PTPRD: variants seen among roughly 807,000 people sequenced by gnomAD.
PTPRD encodes the protein receptor-type tyrosine-protein phosphatase delta.
In PTPRD, 34 loss-of-function variants were observed where a neutral mutation model predicts 214.5. The observed-to-expected ratio is 0.16, with a 90% CI of 0.12 to 0.21. The LOEUF (loss-of-function observed/expected upper bound fraction) is 0.21. Among genes scored for constraint, PTPRD ranks in the 10% least tolerant of loss-of-function variants. The pLI is 1.00. For synonymous variants in PTPRD, 1,128 were observed against 845.7 expected (o/e 1.33, Z -5.79); for missense variants, 2,545 against 2,398.7 (o/e 1.06, Z -1.27).
intron 2 of PTPRD, among the ~76,000 whole-genome samples, chr9:10,387,117 A>T (rs534220083): frequency 2.2e-4 from 33 of 151,960 alleles, no homozygotes; most frequent in African/African-American, 7.9e-4. Flanking sequence ...TCACAGCCCT[A>T]CCTATACCTT....
At chr9:9,034,612 T>A (rs911187916) in intron 10 of PTPRD, among the ~76,000 whole-genome samples, 1 of 152,130 alleles carries the variant, frequency 6.6e-6, no homozygotes, top group African/African-American at 2.4e-5. Flanking sequence ...GTGACGGCCT[T>A]TTCTTCCAAA....
At chr9:10,564,461 A>G (rs1457567433) in intron 2 of PTPRD, among the ~76,000 whole-genome samples, 1 of 151,732 alleles carries the variant, frequency 6.6e-6, no homozygotes, top group Non-Finnish European at 1.5e-5. Context: ...AAAAAAAGAA[A>G]TTTTCTGCTT....
At chr9:8,459,368 C>A (rs947740072) in intron 33 of PTPRD, among the ~76,000 whole-genome samples, 1 of 151,768 alleles carries the variant, frequency 6.6e-6, no homozygotes, top group Non-Finnish European at 1.5e-5. Context: ...ATATAACACA[C>A]CACAAGGAAA....
chr9:9,239,134 C>T (rs1302295295), intron 9 of PTPRD, among the ~76,000 whole-genome samples: 1 of 150,814 alleles, frequency 6.6e-6, no homozygotes. Flanking sequence ...CTATGCTTAT[C>T]TTTTATCTTC....
At chr9:9,395,584 A>T (rs998153172) in intron 9 of PTPRD, among the ~76,000 whole-genome samples, 1 of 152,028 alleles carries the variant, frequency 6.6e-6, no homozygotes, top group Admixed American at 6.6e-5. Flanking sequence ...TATTCTTCAG[A>T]TTTCCTTGTA....
At position 9,901,060 on chromosome 9, in the gene PTPRD, T is replaced by A. The variant is rs375387952; in HGVS notation, c.-368+37447A>T. Among the ~76,000 whole-genome samples the A allele has an allele frequency of 5.9e-5, 9 of 152,134 alleles. No individual in the cohort carries two copies. The East Asian group carries it at 1.7e-3, about 29-fold the overall frequency. ...AGGCTGTACAACAATGGCACCAGCA[T>A]CCACCTAGCTTCTGGAAAGTCTTCA... On this transcript the variant is annotated intron_variant, in intron 5 of 45. Coordinates refer to ENST00000381196, the MANE Select transcript of PTPRD (RefSeq NM_002839.4).
intron 12 of PTPRD, among the ~76,000 whole-genome samples, chr9:8,677,101 C>T (rs747311075): frequency 6.6e-6 from 1 of 152,188 alleles, no homozygotes; most frequent in Non-Finnish European, 1.5e-5. Context: ...AAGGATGTTG[C>T]ACTTTAATAA....
chr9:8,835,721 G>C (rs962303653), intron 11 of PTPRD, among the ~76,000 whole-genome samples: 1 of 151,896 alleles, frequency 6.6e-6, no homozygotes, highest in Non-Finnish European at 1.5e-5. Flanking sequence ...ATTTTTTGTA[G>C]AGACGAGGGT....
At chr9:9,010,047 G>A (rs1567570238) in intron 11 of PTPRD, among the ~76,000 whole-genome samples, 1 of 152,088 alleles carries the variant, frequency 6.6e-6, no homozygotes, top group Non-Finnish European at 1.5e-5. Flanking sequence ...GAAATTTTTA[G>A]GAGTTGCCTT....
chr9:9,927,740 TTCTTAATATTGTTTGAAATATTGCC>T (rs2084850578), intron 5 of PTPRD, among the ~76,000 whole-genome samples: 1 of 152,174 alleles, frequency 6.6e-6, no homozygotes, highest in African/African-American at 2.4e-5. Flanking sequence ...TGTTCATAGA[TTCTTAATATTGTTTGAAATATTGCC>T]TCTTTCTTTA....
intron 3 of PTPRD, among the ~76,000 whole-genome samples, chr9:10,282,617 C>A (rs777829003): frequency 1.4e-4 from 22 of 152,158 alleles, no homozygotes; most frequent in Non-Finnish European, 2.8e-4. Context: ...TGGCTCTCAA[C>A]CCTGGCTGTA....
At chr9:9,816,160 G>A (rs967521440) in intron 5 of PTPRD, among the ~76,000 whole-genome samples, 1 of 151,890 alleles carries the variant, frequency 6.6e-6, no homozygotes, top group Non-Finnish European at 1.5e-5. Flanking sequence ...CAATAAAGCT[G>A]GAAAACAAAA....
intron 8 of PTPRD, among the ~76,000 whole-genome samples, chr9:9,536,871 AG>A (rs1353419155): frequency 6.6e-6 from 1 of 152,048 alleles, no homozygotes; most frequent in African/African-American, 2.4e-5. Context: ...GCAAGAGAAA[AG>A]TTTGGCATAT....
chr9:9,699,789 C>A (rs59031010), intron 7 of PTPRD, among the ~76,000 whole-genome samples: 138 of 152,264 alleles, frequency 9.1e-4, no homozygotes, highest in African/African-American at 2.9e-3. Flanking sequence ...CCATGAAGTA[C>A]AGGTGATAAC....
intron 8 of PTPRD, among the ~76,000 whole-genome samples, chr9:9,495,541 AGCTGGACCTCAGGGAGATG>A (rs373416309): frequency 0.015 from 2,269 of 152,158 alleles, 68 homozygotes; most frequent in African/African-American, 0.052. Flanking sequence ...AGGGAGAGAC[AGCTGGACCTCAGGGAGATG>A]GCTGGACCTT....
At chr9:8,787,397 T>C (rs2096028872) in intron 11 of PTPRD, among the ~76,000 whole-genome samples, 1 of 152,214 alleles carries the variant, frequency 6.6e-6, no homozygotes, top group Non-Finnish European at 1.5e-5. Context: ...CCCTCATTTC[T>C]GACGATGACA....
chr9:8,783,926 A>C (rs1041212160), intron 11 of PTPRD, among the ~76,000 whole-genome samples: 3 of 152,168 alleles, frequency 2.0e-5, no homozygotes, highest in Admixed American at 2.0e-4. Context: ...ACACAGCTTA[A>C]AGTTTTTATT....
chr9:8,674,037 C>T (rs560674736), intron 12 of PTPRD, among the ~76,000 whole-genome samples: 109 of 152,126 alleles, frequency 7.2e-4, no homozygotes, highest in Admixed American at 3.5e-3. Context: ...AAAACTATTC[C>T]CTTCACTGTG....
At chr9:8,998,566 A>G (rs2099405907) in intron 11 of PTPRD, among the ~76,000 whole-genome samples, 1 of 152,078 alleles carries the variant, frequency 6.6e-6, no homozygotes. Flanking sequence ...TGATGGAAAT[A>G]TGTAAGGAGA....
Sources: gnomAD v4.1 joint callset for allele counts (sites outside exome capture counted in the v4.1 genomes callset) on GRCh38, gnomAD v4.1.1 for gene constraint, MANE v1.5 for transcripts, NCBI Gene and HGNC (gene_info 2026-07-23, HGNC 2026-07-21) for gene names.